The following ALDH9A1 variants were observed in gnomAD, a reference collection of about 807,000 sequenced individuals.
The protein encoded by ALDH9A1 is aldehyde dehydrogenase 9 family member A1, also known as 4-trimethylaminobutyraldehyde dehydrogenase.
In ALDH9A1, 42 loss-of-function variants were observed where a neutral mutation model predicts 56.6. The observed-to-expected ratio is 0.74, with a 90% CI of 0.58 to 0.96. The LOEUF is 0.96. ALDH9A1 is among the 40% of genes least tolerant of loss of function. The probability of loss-of-function intolerance (pLI) is 0.00; values close to 1 mark genes in which losing one functional copy is unlikely to be tolerated. For synonymous variants in ALDH9A1, 242 were observed against 236.0 expected, an observed-to-expected ratio of 1.03 and a Z score of -0.23; for missense variants, 661 against 651.5, an observed-to-expected ratio of 1.01 and a Z score of -0.16.
chr1:165,693,299 T>G (rs2101758257), intron 2 of ALDH9A1, among the ~76,000 whole-genome samples: 1 of 152,134 alleles, frequency 6.6e-6, no homozygotes, highest in East Asian at 1.9e-4. Context: ...TGGGAGAAAA[T>G]TTTTGTAATC....
At position 165,698,506 on chromosome 1, in the gene ALDH9A1, C is replaced by G. The variant is rs1485652508; in HGVS notation, c.53G>C (p.Arg18Pro). ...GCTCATGGCGGCGACAGGAGAGGGC[C>G]GAAGACTGCGAAGAAGCGGGGAGAG... Reference protein sequence around the residue: ...AALSPLLRSLRPSPVAAMSTG... With the variant: ...AALSPLLRSLPPSPVAAMSTG... The change falls in exon 1 of 11, where the codon CGG becomes CCG. Residue 18 changes from arginine (R) to proline (P), a missense_variant. Coordinates refer to ENST00000354775, the MANE Select transcript of ALDH9A1 (RefSeq NM_000696.4). 2 of 1,610,550 alleles carry G rather than the reference C, an allele frequency of 1.2e-6. No individual in the cohort carries two copies. The highest frequency in any genetic ancestry group is 1.1e-5 in the South Asian group (1 of 90,706).
chr1:165,663,090 G>C lies in ALDH9A1; in HGVS notation c.1517C>G (p.Thr506Ser). The change falls in exon 11 of 11, where the codon ACT becomes AGT. Residue 506 changes from threonine (T) to serine (S), a missense_variant. Coordinates refer to ENST00000354775, the MANE Select transcript of ALDH9A1 (RefSeq NM_000696.4). Reference protein sequence around the residue: ...VTIEYYSQLKTVCVEMGDVES... With the variant: ...VTIEYYSQLKSVCVEMGDVES... ...CACATCACCCATCTCCACACACACA[G>C]TCTTCAGCTGTGAATAATATTCGAT... The C allele has an allele frequency of 3.1e-6, 5 of 1,614,022 alleles. No homozygotes were observed. The highest frequency in any genetic ancestry group is 4.2e-6 in the Non-Finnish European group (5 of 1,179,946).
chr1:165,694,887 C>T (rs529976430), intron 2 of ALDH9A1, among the ~76,000 whole-genome samples: 10 of 149,076 alleles, frequency 6.7e-5, no homozygotes, highest in Non-Finnish European at 1.5e-4. Context: ...GCCCGGGAGG[C>T]GAAGGTTGCA....
rs548165535 is a variant in ALDH9A1 at position 165,695,605 on chromosome 1, C to G, written c.182-208G>C. Reference sequence around the variant, plus strand: ...CTGCCTCCTGAGTTCAAGCGATTCCCCTGCCTCAGCCTCCTGAGTAGCTGG... The same window carrying G: ...CTGCCTCCTGAGTTCAAGCGATTCCGCTGCCTCAGCCTCCTGAGTAGCTGG... On this transcript the variant is annotated intron_variant, in intron 1 of 10. Transcript: ENST00000354775. Among the ~76,000 whole-genome samples the G allele has an allele frequency of 4.7e-4, 71 of 150,016 alleles. 1 individual carries two copies. Among genetic ancestry groups the G allele is most frequent in the Non-Finnish European group, 9.4e-4 (64 of 67,732 alleles).
At chr1:165,677,190 C>T (rs1215300540) in intron 6 of ALDH9A1, among the ~76,000 whole-genome samples, 5 of 151,560 alleles carry the variant, frequency 3.3e-5, no homozygotes, top group African/African-American at 4.9e-5. Context: ...CTGGCCAACA[C>T]AGTGAAACCC....
chr1:165,671,722 G>A, intron 6 of ALDH9A1: 1 of 368,966 alleles, frequency 2.7e-6, no homozygotes, highest in Non-Finnish European at 5.3e-6. Flanking sequence ...CCTCTGCCCT[G>A]GTTGCATAAA....
intron 6 of ALDH9A1, among the ~76,000 whole-genome samples, chr1:165,669,735 C>T (rs1649118768): frequency 6.6e-6 from 1 of 152,060 alleles, no homozygotes; most frequent in Non-Finnish European, 1.5e-5. Context: ...ATATAACCCA[C>T]AGCACCTCTC....
chr1:165,698,249 C>T (rs1365730217), intron 1 of ALDH9A1, 129 bp downstream of exon 1: 6 of 1,441,530 alleles, frequency 4.2e-6, no homozygotes, highest in Non-Finnish European at 5.5e-6. Flanking sequence ...ACACACACAA[C>T]CTTAGACTCT....
chr1:165,669,086 A>T, intron 7 of ALDH9A1, 73 bp from the exon 8 acceptor site: 1 of 1,415,444 alleles, frequency 7.1e-7, no homozygotes, highest in Non-Finnish European at 9.7e-7. Flanking sequence ...TGTTAATTGT[A>T]TCCCGAACAA....
chr1:165,682,641 A>G (rs1227135016), intron 3 of ALDH9A1, among the ~76,000 whole-genome samples: 1 of 152,130 alleles, frequency 6.6e-6, no homozygotes, highest in East Asian at 1.9e-4. Flanking sequence ...AACTTTATAC[A>G]CTGTCAAAAA....
chr1:165,683,130 C>T lies in ALDH9A1; in HGVS notation c.328-20G>A, dbSNP rs767634637. The T allele has an allele frequency of 5.0e-6, 8 of 1,612,702 alleles. No individual in the cohort carries two copies. In the African/African-American group the frequency reaches 8.0e-5, roughly 16 times the overall value. ...CCGTTCCTTTGGGTAAAGCAGAAGA[C>T]TAGATTTAAGACATATTCCAATATG... On this transcript the variant is annotated intron_variant, in intron 2 of 10. Transcript: ENST00000354775.
chr1:165,677,339 A>G (rs1649395630), intron 6 of ALDH9A1, among the ~76,000 whole-genome samples: 1 of 152,198 alleles, frequency 6.6e-6, no homozygotes, highest in East Asian at 1.9e-4. Flanking sequence ...GGCCTGGGCA[A>G]CAGAGCAGGA....
Position 165,667,442 on chromosome 1 carries a change from T to C in ALDH9A1, c.1216A>G (p.Arg406Gly). Residue 406 changes from arginine to glycine, a missense_variant, in exon 9 of 11, where the codon AGA becomes GGA. By Grantham distance (125) the Arg-to-Gly change is moderately radical. Transcript: ENST00000354775. Reference protein sequence around the residue: ...YMRPCVLTNCRDDMTCVKEEI... With the variant: ...YMRPCVLTNCGDDMTCVKEEI... ...TCCTTCACACAGGTCATGTCGTCTC[T>C]GCAATTAGCTGCAAACATTAAAATA... The C allele has an allele frequency of 2.5e-6, 4 of 1,613,862 alleles. No individual in the cohort carries two copies. The highest frequency in any genetic ancestry group is 3.4e-6 in the Non-Finnish European group (4 of 1,179,914).
chr1:165,698,555 A>G lies in ALDH9A1; in HGVS notation c.4T>C (p.Phe2Leu), dbSNP rs1433810489. M[F>L]LRAGLAALSP... ...AGCGCGGCCAGGCCTGCTCGGAGAAACATGAGTGGCGGACGCAGCTCCGCG... is the reference window on the plus strand; with the variant it reads ...AGCGCGGCCAGGCCTGCTCGGAGAAGCATGAGTGGCGGACGCAGCTCCGCG... Residue 2 changes from phenylalanine to leucine, a missense_variant, in exon 1 of 11, where the codon TTT becomes CTT. By Grantham distance (22) the Phe-to-Leu change is conservative. Coordinates refer to ENST00000354775, the MANE Select transcript of ALDH9A1 (RefSeq NM_000696.4). The G allele has an allele frequency of 1.6e-5, 25 of 1,603,074 alleles. No homozygotes were observed. Among genetic ancestry groups the G allele is most frequent in the Non-Finnish European group, 2.1e-5 (25 of 1,176,696 alleles).
At chr1:165,669,035 ATGTT>A in intron 7 of ALDH9A1, 22 bp from the exon 8 acceptor site, 2 of 1,559,298 alleles carry the variant, frequency 1.3e-6, no homozygotes, top group African/African-American at 2.8e-5. Context: ...GAAAAAAGAT[ATGTT>A]GTATTAAAAA....
intron 5 of ALDH9A1, among the ~76,000 whole-genome samples, chr1:165,679,959 G>T (rs1473098244): frequency 6.6e-6 from 1 of 151,974 alleles, no homozygotes; most frequent in Non-Finnish European, 1.5e-5. Context: ...GCTGCAGTAA[G>T]CTGTGACTAC....
At chr1:165,687,066 A>G (rs976583693) in intron 2 of ALDH9A1, among the ~76,000 whole-genome samples, 3 of 152,196 alleles carry the variant, frequency 2.0e-5, no homozygotes, top group African/African-American at 7.2e-5. Flanking sequence ...TTAACAGCAG[A>G]TAAAACACTA....
intron 1 of ALDH9A1, among the ~76,000 whole-genome samples, chr1:165,697,647 T>C (rs1357858898): frequency 6.6e-6 from 1 of 152,202 alleles, no homozygotes; most frequent in Admixed American, 6.5e-5. Context: ...CAAATGATTA[T>C]CTTCCCCACA....
At chr1:165,682,346 A>C (rs1284488536) in intron 3 of ALDH9A1, 105 bp from the exon 4 acceptor site, 3 of 1,253,448 alleles carry the variant, frequency 2.4e-6, no homozygotes, top group African/African-American at 3.0e-5. Flanking sequence ...CAGCCTCCCC[A>C]CTTCTCCCAA....
Sources: gnomAD v4.1 joint callset for allele counts (sites outside exome capture counted in the v4.1 genomes callset) on GRCh38, gnomAD v4.1.1 for gene constraint, MANE v1.5 for transcripts, NCBI Gene and HGNC (gene_info 2026-07-23, HGNC 2026-07-21) for gene names.